The following PDE4B variants were observed in gnomAD, a reference collection of about 807,000 sequenced individuals.
PDE4B encodes the protein 3',5'-cyclic-AMP phosphodiesterase 4B.
Under a neutral mutation model 82.2 loss-of-function variants are expected in PDE4B, and 20 were observed. That is an observed-to-expected ratio of 0.24 (90% CI 0.17 to 0.35). The LOEUF (loss-of-function observed/expected upper bound fraction) is 0.35. Among genes scored for constraint, PDE4B ranks in the 10% least tolerant of loss-of-function variants. The pLI is 1.00. For missense variants in PDE4B, 655 were observed against 907.2 expected (o/e 0.72, Z 3.57); for synonymous variants, 320 against 318.9 (o/e 1.00, Z -0.04).
At chr1:66,041,867 T>G (rs1008066999) in intron 3 of PDE4B, among the ~76,000 whole-genome samples, 2 of 150,320 alleles carry the variant, frequency 1.3e-5, no homozygotes, top group African/African-American at 4.9e-5. Context: ...AATGTATGAT[T>G]CAACATAATG....
chr1:65,871,734 A>G (rs937992735), intron 1 of PDE4B, among the ~76,000 whole-genome samples: 3 of 152,254 alleles, frequency 2.0e-5, no homozygotes, highest in African/African-American at 7.2e-5. Context: ...TGCCTCTTTC[A>G]TTGTGTCTGT....
intron 3 of PDE4B, among the ~76,000 whole-genome samples, chr1:65,976,589 C>A (rs1650419371): frequency 6.6e-6 from 1 of 152,042 alleles, no homozygotes; most frequent in African/African-American, 2.4e-5. Flanking sequence ...TGTCCCCAAC[C>A]AAATCTCATG....
intron 1 of PDE4B, among the ~76,000 whole-genome samples, chr1:65,907,323 G>T (rs1389900912): frequency 6.6e-6 from 1 of 152,116 alleles, no homozygotes; most frequent in African/African-American, 2.4e-5. Flanking sequence ...TTATCTAATT[G>T]TTGAGTCTTT....
chr1:66,106,381 A>G (rs959130090), intron 3 of PDE4B, among the ~76,000 whole-genome samples: 2 of 152,054 alleles, frequency 1.3e-5, no homozygotes, highest in African/African-American at 4.8e-5. Flanking sequence ...TTCATCAAGG[A>G]TATTGGTCTA....
intron 3 of PDE4B, among the ~76,000 whole-genome samples, chr1:66,143,409 C>T (rs1463342992): frequency 6.6e-6 from 1 of 152,112 alleles, no homozygotes; most frequent in African/African-American, 2.4e-5. Flanking sequence ...CATCTGGAAT[C>T]CACTGCAACA....
intron 3 of PDE4B, among the ~76,000 whole-genome samples, chr1:66,107,331 T>C (rs990875094): frequency 1.5e-4 from 23 of 151,766 alleles, no homozygotes; most frequent in African/African-American, 5.6e-4. Context: ...GATCTTTCAT[T>C]CATTATTTTC....
chr1:65,981,711 G>A (rs6690398), intron 3 of PDE4B, among the ~76,000 whole-genome samples: 85,254 of 151,720 alleles, frequency 0.56, 24,051 homozygotes, highest in African/African-American at 0.59. Flanking sequence ...AGTTCAAAGG[G>A]GGTATTATAA....
chr1:66,039,428 A>G (rs1654241525), intron 3 of PDE4B, among the ~76,000 whole-genome samples: 1 of 152,088 alleles, frequency 6.6e-6, no homozygotes, highest in Non-Finnish European at 1.5e-5. Context: ...TGGTTTATCT[A>G]ACAGTATTAT....
intron 6 of PDE4B, among the ~76,000 whole-genome samples, chr1:66,259,617 A>G (rs938969384): frequency 1.3e-5 from 2 of 152,104 alleles, no homozygotes; most frequent in Non-Finnish European, 2.9e-5. Context: ...GTACTCTGAA[A>G]ACCTTATCAC....
intron 3 of PDE4B, among the ~76,000 whole-genome samples, chr1:65,996,700 C>T (rs1241763200): frequency 2.0e-5 from 3 of 152,122 alleles, no homozygotes; most frequent in African/African-American, 7.2e-5. Flanking sequence ...CTCCATTCAT[C>T]ATTATTTTGA....
chr1:66,355,939 C>T (rs557434588), intron 9 of PDE4B, among the ~76,000 whole-genome samples: 1 of 152,312 alleles, frequency 6.6e-6, no homozygotes, highest in East Asian at 1.9e-4. Context: ...TGAGGGAAAT[C>T]CAATCACCCA....
chr1:66,200,495 A>G (rs1648800131), intron 3 of PDE4B, among the ~76,000 whole-genome samples: 2 of 152,124 alleles, frequency 1.3e-5, no homozygotes, highest in Non-Finnish European at 2.9e-5. Flanking sequence ...ATGTTCTTCC[A>G]TTTGTTTGTA....
intron 3 of PDE4B, among the ~76,000 whole-genome samples, chr1:65,940,187 A>G (rs574819356): frequency 1.1e-3 from 166 of 151,904 alleles, no homozygotes; most frequent in African/African-American, 3.9e-3. Context: ...TATAAAAAGT[A>G]GGGGGCAGGG....
chr1:65,958,747 C>CAT (rs770697942), intron 3 of PDE4B, among the ~76,000 whole-genome samples: 5 of 145,054 alleles, frequency 3.4e-5, no homozygotes, highest in African/African-American at 7.8e-5. Flanking sequence ...CACACACACA[C>CAT]ACGCGCGCGC....
At chr1:65,804,385 C>T (rs10789202) in intron 1 of PDE4B, among the ~76,000 whole-genome samples, 56,709 of 152,046 alleles carry the variant, frequency 0.37, 11,766 homozygotes, top group East Asian at 0.65. Flanking sequence ...AAGGAGAGCA[C>T]GTCATACTTT....
chr1:65,947,243 ACTT>A (rs1487445410), intron 3 of PDE4B, among the ~76,000 whole-genome samples: 11 of 152,170 alleles, frequency 7.2e-5, no homozygotes, highest in Non-Finnish European at 1.3e-4. Context: ...GTGAATGAGA[ACTT>A]CTTCCGATCC....
chr1:66,086,193 C>T (rs1451732708), intron 3 of PDE4B, among the ~76,000 whole-genome samples: 2 of 152,076 alleles, frequency 1.3e-5, no homozygotes, highest in Non-Finnish European at 2.9e-5. Context: ...ATGTTTATAG[C>T]ATGTTTTATT....
In PDE4B at chr1:65,831,755, A is replaced by G. The variant is rs189706318; in HGVS notation, c.-71+38507A>G. ...GATATCTCCCAGGAACATAAACATA[A>G]GATTCCTCAATAAAATATTAGCAAA... On this transcript the variant is annotated intron_variant, in intron 1 of 16. Transcript: ENST00000341517. Among the ~76,000 whole-genome samples, 22 of 152,328 alleles carry G rather than the reference A, an allele frequency of 1.4e-4. 1 individual carries two copies. The East Asian group carries it at 4.0e-3, about 28-fold the overall frequency.
intron 7 of PDE4B, among the ~76,000 whole-genome samples, chr1:66,290,451 T>A (rs868564690): frequency 6.6e-6 from 1 of 152,202 alleles, no homozygotes; most frequent in Non-Finnish European, 1.5e-5. Context: ...TCTCATCTGA[T>A]GGTCTACATT....
Sources: gnomAD v4.1 joint callset for allele counts (sites outside exome capture counted in the v4.1 genomes callset) on GRCh38, gnomAD v4.1.1 for gene constraint, MANE v1.5 for transcripts, NCBI Gene and HGNC (gene_info 2026-07-23, HGNC 2026-07-21) for gene names.